The following POU2F2 variants were observed in gnomAD, a reference collection of about 807,000 sequenced individuals.
POU2F2 encodes the protein POU domain, class 2, transcription factor 2.
In POU2F2, 14 loss-of-function variants were observed where a neutral mutation model predicts 63.5. That is an observed-to-expected ratio of 0.22 (90% CI 0.15 to 0.34). POU2F2 has a LOEUF of 0.34. Ranked by LOEUF, POU2F2 falls within the 10% of genes least tolerant of loss-of-function variation. POU2F2 has a pLI of 1.00. For missense variants in POU2F2, 607 were observed against 815.2 expected (o/e 0.74, Z 3.11); for synonymous variants, 306 against 348.6 (o/e 0.88, Z 1.36).
In POU2F2 at chr19:42,152,809, A is replaced by G. The variant is rs2034380525; in HGVS notation, c.-9+7523T>C. Reference sequence around the variant, plus strand: ...GGACAATTTCTGGGAGAAAGCAGGCATCCCCTCAATTGGGAGCAGCTCAGA... The same window carrying G: ...GGACAATTTCTGGGAGAAAGCAGGCGTCCCCTCAATTGGGAGCAGCTCAGA... On this transcript the variant is annotated intron_variant, in intron 2 of 6. Transcript: ENST00000524801. This position sits in a 1 kb window ranked among gnomAD's most constrained non-coding sequence, Gnocchi z 4.1. 1 of 152,352 alleles carries G rather than the reference A, an allele frequency of 6.6e-6. No individual in the cohort carries two copies. Among genetic ancestry groups the G allele is most frequent in the Non-Finnish European group, 1.5e-5 (1 of 68,124 alleles). 9.4% of individuals were successfully genotyped at this position (152,352 alleles called of 1,614,324 possible). A position where few individuals can be genotyped will look rare whatever the true frequency, so the allele number is the denominator to read the frequency against.
intron 7 of POU2F2, among the ~76,000 whole-genome samples, chr19:42,099,049 A>C (rs1359801611): frequency 1.3e-5 from 2 of 152,212 alleles, no homozygotes; most frequent in African/African-American, 4.8e-5. Context: ...TTTAGTTGAC[A>C]ATGACCAAAT....
At position 42,117,368 on chromosome 19, in the gene POU2F2, TGG is replaced by T; in HGVS notation, c.249_250del (p.Gln84AspfsTer4). On this transcript the variant is annotated frameshift_variant, in exon 5 of 15. Transcript: ENST00000692977. LOFTEE classifies it high-confidence loss of function. The surrounding 1 kb of genome is among the most constrained non-coding windows in gnomAD (Gnocchi z 4.4). ...GCCACTGGGGTCTTCAGCCTTGATC[TGG>T]GGGGGAGAGAGGCAGGGTCCGGGAC... 2 of 1,525,812 alleles carry T rather than the reference TGG, an allele frequency of 1.3e-6. No individual in the cohort carries two copies. Among genetic ancestry groups the T allele is most frequent in the Non-Finnish European group, 1.7e-6 (2 of 1,144,890 alleles). The allele number at this position is 1,525,812 out of a possible 1,614,324, so 94.5% of individuals were successfully genotyped here.
intron 2 of POU2F2, among the ~76,000 whole-genome samples, chr19:42,150,940 G>A (rs2034335309): frequency 6.6e-6 from 1 of 152,052 alleles, no homozygotes; most frequent in South Asian, 2.1e-4. Flanking sequence ...CCTGTCCTCT[G>A]TGGATGCCCA....
chr19:42,130,888 C>G (rs1200376804), intron 1 of POU2F2, among the ~76,000 whole-genome samples: 3 of 148,512 alleles, frequency 2.0e-5, no homozygotes, highest in Non-Finnish European at 4.5e-5. Context: ...CTATGTCCCC[C>G]TATCCCAGCC....
At chr19:42,182,459 A>G (rs1799037809) in intron 1 of POU2F2, among the ~76,000 whole-genome samples, 1 of 152,030 alleles carries the variant, frequency 6.6e-6, no homozygotes, top group South Asian at 2.1e-4. Flanking sequence ...GAGTGAGGGT[A>G]TCAGGAAGAG....
At chr19:42,194,505 T>C (rs557524853) in intron 1 of POU2F2, among the ~76,000 whole-genome samples, 1 of 150,636 alleles carries the variant, frequency 6.6e-6, no homozygotes, top group South Asian at 2.1e-4. Flanking sequence ...ATGCCTGTAA[T>C]CCCAGCACTT....
chr19:42,098,223 G>T (rs2076996260), intron 7 of POU2F2, among the ~76,000 whole-genome samples: 1 of 152,112 alleles, frequency 6.6e-6, no homozygotes, highest in Non-Finnish European at 1.5e-5. Context: ...GACCAGCCTG[G>T]CCAACATGGT....
chr19:42,109,675 C>CT (rs1331266049), intron 5 of POU2F2, among the ~76,000 whole-genome samples: 2 of 152,148 alleles, frequency 1.3e-5, no homozygotes, highest in Non-Finnish European at 2.9e-5. Context: ...GGGTCTTGCT[C>CT]TGTTACCCAA....
intron 1 of POU2F2, among the ~76,000 whole-genome samples, chr19:42,183,667 T>C (rs2146818029): frequency 6.6e-6 from 1 of 152,304 alleles, no homozygotes; most frequent in Non-Finnish European, 1.5e-5. Flanking sequence ...GATAGGGCTC[T>C]ATGGGAGCCA....
At chr19:42,151,967 T>C (rs1057239004) in intron 2 of POU2F2, among the ~76,000 whole-genome samples, 4 of 152,228 alleles carry the variant, frequency 2.6e-5, no homozygotes, top group African/African-American at 7.2e-5. Context: ...GAAACCAACA[T>C]AGACAGGGTG....
intron 5 of POU2F2, among the ~76,000 whole-genome samples, chr19:42,114,009 C>T (rs1241463801): frequency 6.6e-6 from 1 of 152,070 alleles, no homozygotes; most frequent in African/African-American, 2.4e-5. Context: ...ACAAACTTGG[C>T]CCAGCTTTGC....
At chr19:42,144,948 G>A (rs1354051185) in intron 2 of POU2F2, among the ~76,000 whole-genome samples, 3 of 152,204 alleles carry the variant, frequency 2.0e-5, no homozygotes, top group African/African-American at 7.2e-5. Flanking sequence ...AGCAACTGAG[G>A]ATGGCTGAAA....
chr19:42,145,198 T>G (rs149204550), intron 2 of POU2F2, among the ~76,000 whole-genome samples: 16 of 152,386 alleles, frequency 1.0e-4, no homozygotes, highest in African/African-American at 3.8e-4. Flanking sequence ...CGTGGCATTT[T>G]ATTGTTGTCA....
chr19:42,120,341 C>G (rs946770463), intron 4 of POU2F2, among the ~76,000 whole-genome samples: 4 of 152,030 alleles, frequency 2.6e-5, no homozygotes, highest in African/African-American at 9.7e-5. Flanking sequence ...ATGCCTCAGC[C>G]TCCCAAGTAG....
At position 42,092,057 on chromosome 19, in the gene POU2F2, G is replaced by GCACCCACTTACC; in HGVS notation, c.1466_1466+11dup. Reference sequence around the variant, plus strand: ...TGCTTCTCCCCACAGCTTCCCACGTGCACCCACTTACCCCGTGCTGGGGTT... The same window carrying GCACCCACTTACC: ...TGCTTCTCCCCACAGCTTCCCACGTGCACCCACTTACCCACCCACTTACCCCGTGCTGGGGTT... On this transcript the variant is annotated intron_variant, in intron 13 of 14. Transcript: ENST00000692977. The surrounding 1 kb of genome is among the most constrained non-coding windows in gnomAD (Gnocchi z 5.0). The GCACCCACTTACC allele has an allele frequency of 6.3e-7, 1 of 1,592,490 alleles. No individual in the cohort carries two copies. The highest frequency in any genetic ancestry group is 8.5e-7 in the Non-Finnish European group (1 of 1,170,792).
intron 5 of POU2F2, among the ~76,000 whole-genome samples, chr19:42,112,490 C>T (rs2031257853): frequency 6.6e-6 from 1 of 152,210 alleles, no homozygotes; most frequent in Non-Finnish European, 1.5e-5. Flanking sequence ...TTGCCTCAGC[C>T]ACCCGAGTAG....
Position 42,155,475 on chromosome 19 carries a change from C to T in POU2F2, c.-9+4857G>A, listed in dbSNP as rs1482729449. On this transcript the variant is annotated intron_variant, in intron 2 of 6. Transcript: ENST00000524801. The surrounding 1 kb of genome is among the most constrained non-coding windows in gnomAD (Gnocchi z 4.2). ...TCTGGCCCTCCTATCCACCTCGTCC[C>T]CAAGAAAAGCAAGGTTGGGCACAGT... 6.6e-6 allele frequency among the ~76,000 whole-genome samples: 1 copy of T among 152,120 alleles called. No homozygotes were observed. The highest frequency in any genetic ancestry group is 1.5e-5 in the Non-Finnish European group (1 of 68,020).
At chr19:42,167,672 C>G (rs1376850908) in intron 1 of POU2F2, among the ~76,000 whole-genome samples, 1 of 152,120 alleles carries the variant, frequency 6.6e-6, no homozygotes, top group Non-Finnish European at 1.5e-5. Context: ...CAGGCGCTAG[C>G]TCATACAGGG....
At chr19:42,182,742 A>T (rs2034976268) in intron 1 of POU2F2, among the ~76,000 whole-genome samples, 1 of 152,180 alleles carries the variant, frequency 6.6e-6, no homozygotes, top group Non-Finnish European at 1.5e-5. Context: ...AGGCACAGAC[A>T]GAGAGGTATG....
Sources: gnomAD v4.1 joint callset for allele counts (sites outside exome capture counted in the v4.1 genomes callset) on GRCh38, gnomAD v4.1.1 for gene constraint, Gnocchi (gnomAD v3.1) non-coding constraint, MANE v1.5 for transcripts, NCBI Gene and HGNC (gene_info 2026-07-23, HGNC 2026-07-21) for gene names.